The following CSMD1 variants were observed in gnomAD, a reference collection of about 807,000 sequenced individuals.
The protein encoded by CSMD1 is CUB and Sushi multiple domains 1, also known as CUB and sushi domain-containing protein 1.
Under a neutral mutation model 417.5 loss-of-function variants are expected in CSMD1, and 213 were observed. The observed-to-expected ratio is 0.51, with a 90% CI of 0.46 to 0.57. The LOEUF is 0.57. Ranked by LOEUF, CSMD1 falls within the 20% of genes least tolerant of loss-of-function variation. CSMD1 has a pLI of 0.00. For synonymous variants in CSMD1, 2,862 were observed against 1,736.8 expected (o/e 1.65, Z -16.11); for missense variants, 6,923 against 4,529.7 (o/e 1.53, Z -15.17).
intron 3 of CSMD1, among the ~76,000 whole-genome samples, chr8:4,043,446 T>C (rs761564614): frequency 1.3e-5 from 2 of 152,182 alleles, no homozygotes; most frequent in Non-Finnish European, 2.9e-5. Context: ...CACATCATGA[T>C]AATGGATGAA....
At chr8:4,310,329 A>C (rs892930889) in intron 3 of CSMD1, among the ~76,000 whole-genome samples, 5 of 152,196 alleles carry the variant, frequency 3.3e-5, no homozygotes, top group Admixed American at 2.0e-4. Flanking sequence ...AAAGGCCTCC[A>C]CACTGGAATG....
chr8:4,747,493 G>C (rs923357011), intron 1 of CSMD1, among the ~76,000 whole-genome samples: 2 of 152,162 alleles, frequency 1.3e-5, no homozygotes, highest in Admixed American at 6.5e-5. Context: ...CTCCTAAGTA[G>C]AGAAACATTT....
chr8:3,494,657 G>C (rs1796292487), intron 10 of CSMD1, among the ~76,000 whole-genome samples: 1 of 150,666 alleles, frequency 6.6e-6, no homozygotes, highest in South Asian at 2.1e-4. Flanking sequence ...TGGGTGGATG[G>C]AAAAATGACA....
At chr8:3,217,218 G>A (rs935577943) in intron 29 of CSMD1, among the ~76,000 whole-genome samples, 56 of 152,306 alleles carry the variant, frequency 3.7e-4, no homozygotes, top group African/African-American at 1.3e-3. Flanking sequence ...CACTGCTCCA[G>A]GCTGCATGCA....
chr8:4,706,501 A>G (rs1221220288), intron 1 of CSMD1, among the ~76,000 whole-genome samples: 2 of 152,240 alleles, frequency 1.3e-5, no homozygotes, highest in Admixed American at 1.3e-4. Context: ...ATAGCATTAA[A>G]TACTTTTATT....
intron 3 of CSMD1, among the ~76,000 whole-genome samples, chr8:4,237,172 C>G (rs1286619481): frequency 6.6e-6 from 1 of 152,158 alleles, no homozygotes; most frequent in East Asian, 1.9e-4. Flanking sequence ...TCATCAAGCT[C>G]CCTTCGCCTT....
chr8:4,785,774 C>T (rs751235768), intron 1 of CSMD1, among the ~76,000 whole-genome samples: 2 of 152,198 alleles, frequency 1.3e-5, no homozygotes, highest in South Asian at 2.1e-4. Context: ...TTTATTCTCC[C>T]GGGAACCTTA....
chr8:3,907,890 A>G (rs151253277), intron 5 of CSMD1, among the ~76,000 whole-genome samples: 2 of 152,276 alleles, frequency 1.3e-5, no homozygotes, highest in South Asian at 2.1e-4. Flanking sequence ...TCTTGAGAAT[A>G]TTTCAGGGAT....
chr8:2,979,849 A>G (rs752053803), intron 54 of CSMD1, among the ~76,000 whole-genome samples: 3 of 152,240 alleles, frequency 2.0e-5, no homozygotes, highest in South Asian at 2.1e-4. Flanking sequence ...ACAAAAAGCC[A>G]TGTGTGAAGT....
At chr8:3,842,736 T>C (rs558137685) in intron 5 of CSMD1, among the ~76,000 whole-genome samples, 8 of 152,128 alleles carry the variant, frequency 5.3e-5, no homozygotes, top group African/African-American at 1.7e-4. Context: ...AAGATTAAAA[T>C]TGGGAAACAG....
Position 3,850,287 on chromosome 8 carries a change from C to G in CSMD1, c.819-96245G>C, listed in dbSNP as rs143846631. ...ATAGAATCAATATGTGCACAGTGTTCTCTATTTTGGTTTCAATAGCTTTGT... is the reference window on the plus strand; with the variant it reads ...ATAGAATCAATATGTGCACAGTGTTGTCTATTTTGGTTTCAATAGCTTTGT... On this transcript the variant is annotated intron_variant, in intron 5 of 69. Transcript: ENST00000635120. Among the ~76,000 whole-genome samples, 375 of 152,324 alleles carry G rather than the reference C, an allele frequency of 2.5e-3. 3 individuals carry two copies. The highest frequency in any genetic ancestry group is 2.8e-3 in the Non-Finnish European group (193 of 68,024).
At position 3,976,594 on chromosome 8, in the gene CSMD1, T is replaced by C. The variant is rs117252636; in HGVS notation, c.818+21309A>G. On this transcript the variant is annotated intron_variant, in intron 5 of 69. Transcript: ENST00000635120. ...TAAGACAAAGTAAAACCAGGCAAGA[T>C]TTGCATAAGCATTAATTATTTCATC... Among the ~76,000 whole-genome samples, 148 of 152,320 alleles carry C rather than the reference T, an allele frequency of 9.7e-4. 1 individual carries two copies. The highest frequency in any genetic ancestry group is 1.8e-3 in the Admixed American group (28 of 15,292).
chr8:4,299,745 C>G (rs186947493), intron 3 of CSMD1, among the ~76,000 whole-genome samples: 1 of 152,068 alleles, frequency 6.6e-6, no homozygotes, highest in Non-Finnish European at 1.5e-5. Flanking sequence ...ATTGTCATGC[C>G]TCAGCCTCCC....
intron 30 of CSMD1, among the ~76,000 whole-genome samples, chr8:3,210,913 C>T (rs2116793768): frequency 6.6e-6 from 1 of 152,058 alleles, no homozygotes; most frequent in Middle Eastern, 3.4e-3. Flanking sequence ...ATTTTGCTAC[C>T]TACTTTTATC....
At position 3,876,497 on chromosome 8, in the gene CSMD1, G is replaced by C. The variant is rs181501893; in HGVS notation, c.818+121406C>G. On this transcript the variant is annotated intron_variant, in intron 5 of 69. Coordinates refer to ENST00000635120, the MANE Select transcript of CSMD1 (RefSeq NM_033225.6). ...AACAGAATTGATAAAATATGTAAGTGTGTAAGTGTGGATGTAATTTATTAG... is the reference window on the plus strand; with the variant it reads ...AACAGAATTGATAAAATATGTAAGTCTGTAAGTGTGGATGTAATTTATTAG... Among the ~76,000 whole-genome samples the C allele has an allele frequency of 2.0e-4, 31 of 152,294 alleles. No individual in the cohort carries two copies. In the East Asian group the frequency reaches 5.2e-3, roughly 26 times the overall value.
chr8:4,968,290 A>G (rs1373390553), intron 1 of CSMD1, among the ~76,000 whole-genome samples: 1 of 152,114 alleles, frequency 6.6e-6, no homozygotes, highest in East Asian at 1.9e-4. Context: ...TTCACCAGTT[A>G]TAAGTGTACA....
intron 1 of CSMD1, among the ~76,000 whole-genome samples, chr8:4,879,953 T>C (rs1334925839): frequency 3.9e-5 from 6 of 152,162 alleles, no homozygotes; most frequent in African/African-American, 1.4e-4. Flanking sequence ...GTCGTTGTTG[T>C]TGAGGTTCAT....
Position 3,993,967 on chromosome 8 carries a change from G to A in CSMD1, c.818+3936C>T, listed in dbSNP as rs185692777. On this transcript the variant is annotated intron_variant, in intron 5 of 69. Coordinates refer to ENST00000635120, the MANE Select transcript of CSMD1 (RefSeq NM_033225.6). ...GAAAACGCCCAGTAACATAAAGACA[G>A]GGATGGGTTCACAGGGGCAAACTGC... Among the ~76,000 whole-genome samples, 6 of 152,274 alleles carry A rather than the reference G, an allele frequency of 3.9e-5. No homozygotes were observed. The East Asian group carries it at 1.2e-3, about 30-fold the overall frequency.
intron 1 of CSMD1, among the ~76,000 whole-genome samples, chr8:4,833,106 T>C (rs1800248804): frequency 6.6e-6 from 1 of 152,130 alleles, no homozygotes; most frequent in African/African-American, 2.4e-5. Context: ...TGTATTTGAG[T>C]TTTCATTTAT....
Sources: gnomAD v4.1 joint callset for allele counts (sites outside exome capture counted in the v4.1 genomes callset) on GRCh38, gnomAD v4.1.1 for gene constraint, MANE v1.5 for transcripts, NCBI Gene and HGNC (gene_info 2026-07-23, HGNC 2026-07-21) for gene names.